ATP10B: variants seen among roughly 807,000 people sequenced by gnomAD.
ATP10B encodes ATPase phospholipid transporting 10B (putative).
ATP10B carries 122 observed loss-of-function variants against 141.2 expected under a neutral mutation model. That is an observed-to-expected ratio of 0.86 (90% CI 0.75 to 1.00). The LOEUF (loss-of-function observed/expected upper bound fraction) is 1.00, where lower values mean the gene tolerates loss of function less well. Among genes scored for constraint, ATP10B ranks in the 50% least tolerant of loss-of-function variants. The probability of loss-of-function intolerance (pLI) is 0.00; values close to 1 mark genes in which losing one functional copy is unlikely to be tolerated. For synonymous variants in ATP10B, 685 were observed against 692.0 expected, an observed-to-expected ratio of 0.99 and a Z score of 0.16; for missense variants, 1,876 against 1,825.3, an observed-to-expected ratio of 1.03 and a Z score of -0.51.
the ATP10B span, among the ~76,000 whole-genome samples, chr5:160,886,257 A>T: frequency 6.6e-6 from 1 of 152,338 alleles, no homozygotes; most frequent in East Asian, 1.9e-4. Context: ...GAGAAAATGG[A>T]ATTGGATTTC....
chr5:160,672,230 G>C (rs889638140), intron 6 of ATP10B, among the ~76,000 whole-genome samples: 1 of 152,028 alleles, frequency 6.6e-6, no homozygotes, highest in Admixed American at 6.6e-5. Context: ...TCCTGTCTCG[G>C]CCTCCCAAAG....
Position 160,657,011 on chromosome 5 carries a change from C to G in ATP10B, c.676-7755G>C, listed in dbSNP as rs920297056. On this transcript the variant is annotated intron_variant, in intron 7 of 25. Coordinates refer to ENST00000327245, the MANE Select transcript of ATP10B (RefSeq NM_025153.3). ...CTAAAGGAATACCAAGGAGAGCCAC[C>G]ACAACCTGGGGATAAGGATAGCAAA... Among the ~76,000 whole-genome samples, 4 of 152,108 alleles carry G rather than the reference C, an allele frequency of 2.6e-5. No individual in the cohort carries two copies. The East Asian group carries it at 7.7e-4, about 29-fold the overall frequency.
Position 160,620,921 on chromosome 5 carries a change from C to G in ATP10B, c.1842G>C (p.Leu614=), listed in dbSNP as rs1758310338. ...RVTIKPSSKA[L]GTSLEKIQQL... ...GCTGAATCTTCTCCAGGGACGTCCC[C>G]AGAGCCTTGCTTGAGGGTTTGATGG... Residue 614 remains leucine (L), a synonymous_variant, in exon 15 of 26, where the codon CTG becomes CTC. Coordinates refer to ENST00000327245, the MANE Select transcript of ATP10B (RefSeq NM_025153.3). The G allele has an allele frequency of 6.2e-7, 1 of 1,613,790 alleles. No homozygotes were observed. Among genetic ancestry groups the G allele is most frequent in the Admixed American group, 1.7e-5 (1 of 59,994 alleles).
Position 160,627,298 on chromosome 5 carries a change from A to G in ATP10B, c.1621-4713T>C, listed in dbSNP as rs997732619. Among the ~76,000 whole-genome samples the G allele has an allele frequency of 2.6e-5, 4 of 152,314 alleles. No individual in the cohort carries two copies. The East Asian group carries it at 7.7e-4, about 29-fold the overall frequency. On this transcript the variant is annotated intron_variant, in intron 13 of 25. Transcript: ENST00000327245. ...ATCCCAGCCCAGAGAGCATTGTCCC[A>G]TAGTCACTGGTGCTCCTTTTGCCCC...
intron 24 of ATP10B, among the ~76,000 whole-genome samples, chr5:160,574,359 G>A (rs147876703): frequency 2.2e-4 from 34 of 152,236 alleles, no homozygotes; most frequent in Middle Eastern, 3.4e-3. Flanking sequence ...ACTTGAACCC[G>A]GAGGCGGAGG....
Position 160,686,260 on chromosome 5 carries a change from A to G in ATP10B, c.289T>C (p.Tyr97His). 1 of 1,598,002 alleles carries G rather than the reference A, an allele frequency of 6.3e-7. No homozygotes were observed. Among genetic ancestry groups the G allele is most frequent in the Admixed American group, 1.7e-5 (1 of 58,880 alleles). Residue 97 changes from tyrosine to histidine, a missense_variant, in exon 6 of 26, where the codon TAT becomes CAT. Physicochemically the swap from Tyr to His is moderately conservative, Grantham distance 83. Transcript: ENST00000327245. Reference protein sequence around the residue: ...FEQFHRWANLYFLFLVILNWM... With the variant: ...FEQFHRWANLHFLFLVILNWM... The stretch of plus-strand genomic sequence containing the variant: ...TTCAAAATCACCAGGAACAGGAAAT[A>G]GAGGTTAGCCCATCTGGAGGGGCAA...
intron 1 of ATP10B, among the ~76,000 whole-genome samples, chr5:160,840,323 T>C (rs928623325): frequency 1.3e-5 from 2 of 151,996 alleles, no homozygotes; most frequent in Admixed American, 1.3e-4. Flanking sequence ...GAAGGGGGTA[T>C]AGTCCTATTA....
chr5:160,758,639 G>A (rs1019773151), intron 2 of ATP10B, among the ~76,000 whole-genome samples: 1 of 152,152 alleles, frequency 6.6e-6, no homozygotes, highest in African/African-American at 2.4e-5. Flanking sequence ...AGGCAGCCAG[G>A]CCACTTGGGG....
chr5:160,790,809 A>C (rs554523517), intron 1 of ATP10B, among the ~76,000 whole-genome samples: 1 of 152,210 alleles, frequency 6.6e-6, no homozygotes, highest in South Asian at 2.1e-4. Context: ...CTGCAAGTGG[A>C]ATTAAGGTTA....
At chr5:160,702,244 A>G (rs200985985) in intron 3 of ATP10B, among the ~76,000 whole-genome samples, 1 of 152,206 alleles carries the variant, frequency 6.6e-6, no homozygotes, top group Admixed American at 6.5e-5. Flanking sequence ...TTATTCCCCA[A>G]ATAATCCTAT....
intron 2 of ATP10B, among the ~76,000 whole-genome samples, chr5:160,738,566 C>T (rs1767271377): frequency 6.6e-6 from 1 of 152,040 alleles, no homozygotes; most frequent in South Asian, 2.1e-4. Context: ...CAAGCACTAT[C>T]TATTCTACAA....
At chr5:160,698,286 C>G (rs529437123) in intron 3 of ATP10B, among the ~76,000 whole-genome samples, 1 of 152,148 alleles carries the variant, frequency 6.6e-6, no homozygotes, top group Middle Eastern at 3.4e-3. Context: ...TTACTACAGC[C>G]AATCTATTTT....
At chr5:160,691,630 T>C (rs762574470) in intron 3 of ATP10B, 6 of 152,230 alleles carry the variant, frequency 3.9e-5, no homozygotes, top group Non-Finnish European at 8.8e-5. Context: ...CTTGTCATGG[T>C]AAATATGATC....
chr5:160,878,558 T>C, the ATP10B span, among the ~76,000 whole-genome samples: 1 of 151,654 alleles, frequency 6.6e-6, no homozygotes, highest in East Asian at 1.9e-4. Flanking sequence ...ACTAAAGAGC[T>C]TCTGCACAGC....
At chr5:160,594,125 G>A (rs538075730) in intron 22 of ATP10B, among the ~76,000 whole-genome samples, 1 of 152,152 alleles carries the variant, frequency 6.6e-6, no homozygotes, top group African/African-American at 2.4e-5. Context: ...AAAATGTCAA[G>A]GGCAGCCAGA....
chr5:160,746,740 C>T (rs1561811495), intron 2 of ATP10B, among the ~76,000 whole-genome samples: 1 of 152,134 alleles, frequency 6.6e-6, no homozygotes, highest in South Asian at 2.1e-4. Context: ...AATATGTAAG[C>T]ATATTAGTGT....
intron 10 of ATP10B, among the ~76,000 whole-genome samples, chr5:160,638,028 C>T (rs1759545787): frequency 6.6e-6 from 1 of 152,170 alleles, no homozygotes; most frequent in African/African-American, 2.4e-5. Context: ...GGAGCCCCAG[C>T]ACGTGTTGGA....
chr5:160,630,423 G>A (rs1044730928), intron 13 of ATP10B, among the ~76,000 whole-genome samples: 5 of 152,152 alleles, frequency 3.3e-5, no homozygotes, highest in Non-Finnish European at 7.4e-5. Context: ...AAGGGGCAGT[G>A]AATTGATGTG....
chr5:160,635,289 T>C (rs930895618), intron 11 of ATP10B, among the ~76,000 whole-genome samples: 2 of 151,992 alleles, frequency 1.3e-5, no homozygotes, highest in Non-Finnish European at 2.9e-5. Context: ...GGCACAGGCC[T>C]GGCAGTGGGG....
Sources: allele counts gnomAD v4.1 joint callset (sites outside exome capture counted in the v4.1 genomes callset), GRCh38; gene constraint gnomAD v4.1.1; transcripts MANE v1.5; gene names NCBI Gene and HGNC (gene_info 2026-07-23, HGNC 2026-07-21).